PEBP4: variants seen among roughly 807,000 people sequenced by gnomAD.
PEBP4 encodes phosphatidylethanolamine-binding protein 4.
In PEBP4, 22 loss-of-function variants were observed where a neutral mutation model predicts 23.9. The ratio of observed to expected loss-of-function variants is 0.92; its 90% CI spans 0.66 to 1.31. The LOEUF (loss-of-function observed/expected upper bound fraction) is 1.31, where lower values mean the gene tolerates loss of function less well. PEBP4 is among the 40% of genes most tolerant of loss of function. PEBP4 has a pLI of 0.00. For missense variants in PEBP4, 324 were observed against 281.7 expected, an observed-to-expected ratio of 1.15 and a Z score of -1.07; for synonymous variants, 112 against 99.3, an observed-to-expected ratio of 1.13 and a Z score of -0.76.
intron 4 of PEBP4, among the ~76,000 whole-genome samples, chr8:22,789,537 C>T (rs2128756599): frequency 6.6e-6 from 1 of 152,234 alleles, no homozygotes; most frequent in East Asian, 1.9e-4. Context: ...GCTGTGGGCT[C>T]CTCCCTTCCT....
At chr8:22,827,423 G>C (rs1013594460) in intron 3 of PEBP4, among the ~76,000 whole-genome samples, 3 of 152,096 alleles carry the variant, frequency 2.0e-5, no homozygotes, top group African/African-American at 7.2e-5. Flanking sequence ...AAGCAACCAT[G>C]AATCTACTTT....
At chr8:22,862,902 G>T (rs530381460) in intron 3 of PEBP4, among the ~76,000 whole-genome samples, 1 of 150,466 alleles carries the variant, frequency 6.6e-6, no homozygotes, top group African/African-American at 2.4e-5. Context: ...CCAGGTTCAC[G>T]TCATTCTCCT....
At chr8:22,825,500 T>C (rs1806950391) in intron 3 of PEBP4, among the ~76,000 whole-genome samples, 1 of 152,252 alleles carries the variant, frequency 6.6e-6, no homozygotes, top group Non-Finnish European at 1.5e-5. Flanking sequence ...GGTATAGACC[T>C]AGTAAAATGC....
rs559933537 is a variant in PEBP4, at chr8:22,917,380, C to T, written c.258+2804G>A. Among the ~76,000 whole-genome samples the T allele has an allele frequency of 5.3e-5, 8 of 152,292 alleles. No homozygotes were observed. In the South Asian group the frequency reaches 1.4e-3, roughly 28 times the overall value. On this transcript the variant is annotated intron_variant, in intron 3 of 6. Transcript: ENST00000256404. The stretch of plus-strand genomic sequence containing the variant: ...GTCATGCCCTCTCCCTTAAGGGAAG[C>T]TCCAACTACCACCTTCCCTAGGAAG...
chr8:22,831,921 T>A (rs1807090046), intron 3 of PEBP4, among the ~76,000 whole-genome samples: 1 of 151,126 alleles, frequency 6.6e-6, no homozygotes, highest in South Asian at 2.1e-4. Context: ...TGAGGGCAGA[T>A]GAGCATGTGC....
At chr8:22,888,153 TTC>T (rs1808421339) in intron 3 of PEBP4, 1 of 126,628 alleles carries the variant, frequency 7.9e-6, no homozygotes, top group Non-Finnish European at 1.8e-5. Context: ...ACCCACCCAC[TTC>T]TTTTTTTTTT....
At chr8:22,922,201 G>A (rs746894653) in intron 2 of PEBP4, among the ~76,000 whole-genome samples, 16 of 152,078 alleles carry the variant, frequency 1.1e-4, no homozygotes, top group South Asian at 4.1e-4. Flanking sequence ...TGAACATAGC[G>A]TATTGCCCCA....
chr8:22,774,606 C>A (rs148245948), intron 4 of PEBP4, among the ~76,000 whole-genome samples: 1 of 152,122 alleles, frequency 6.6e-6, no homozygotes, highest in Non-Finnish European at 1.5e-5. Flanking sequence ...GGGTAGGGGC[C>A]GAGTCCCCTC....
intron 4 of PEBP4, among the ~76,000 whole-genome samples, chr8:22,787,828 T>C (rs1806056914): frequency 1.3e-5 from 2 of 152,160 alleles, no homozygotes; most frequent in Admixed American, 1.3e-4. Flanking sequence ...CCAAAGAAGC[T>C]GGGTCACAGG....
intron 3 of PEBP4, among the ~76,000 whole-genome samples, chr8:22,829,921 A>G (rs551032212): frequency 1.3e-5 from 2 of 152,270 alleles, no homozygotes; most frequent in African/African-American, 4.8e-5. Flanking sequence ...CCTTGCTAAG[A>G]TCACCACCTC....
chr8:22,881,192 G>T (rs975119186), intron 3 of PEBP4, among the ~76,000 whole-genome samples: 2 of 152,198 alleles, frequency 1.3e-5, no homozygotes, highest in African/African-American at 4.8e-5. Context: ...GTGTCCCCAG[G>T]GATGCCCCAG....
intron 4 of PEBP4, among the ~76,000 whole-genome samples, chr8:22,803,871 G>T (rs563424263): frequency 6.6e-6 from 1 of 152,062 alleles, no homozygotes; most frequent in East Asian, 1.9e-4. Context: ...TCATTGGCAC[G>T]TCCTGTTGGC....
intron 3 of PEBP4, among the ~76,000 whole-genome samples, chr8:22,825,638 G>C (rs896030343): frequency 1.3e-5 from 2 of 152,034 alleles, no homozygotes; most frequent in Admixed American, 6.5e-5. Context: ...CTTTCCCTCG[G>C]GTTCTAACAT....
intron 4 of PEBP4, among the ~76,000 whole-genome samples, chr8:22,764,980 C>T (rs1805577869): frequency 2.0e-5 from 3 of 152,076 alleles, no homozygotes; most frequent in Admixed American, 2.0e-4. Flanking sequence ...CAGGCAGGGC[C>T]CCACATTTCC....
At chr8:22,770,222 T>G (rs528913574) in intron 4 of PEBP4, among the ~76,000 whole-genome samples, 1 of 152,230 alleles carries the variant, frequency 6.6e-6, no homozygotes, top group Admixed American at 6.5e-5. Flanking sequence ...TGGGACTGGG[T>G]CAGTGGCTTG....
chr8:22,848,476 A>T (rs1807485323), intron 3 of PEBP4, among the ~76,000 whole-genome samples: 1 of 118,460 alleles, frequency 8.4e-6, no homozygotes, highest in Non-Finnish European at 1.7e-5. Flanking sequence ...AGAGAAGGGG[A>T]AGTTGTGTGT....
At chr8:22,932,541 AC>A (rs576162508), upstream of PEBP4, among the ~76,000 whole-genome samples, 20 of 151,812 alleles carry the variant, frequency 1.3e-4, 1 homozygote, top group South Asian at 4.2e-3. Context: ...ACACACACAC[AC>A]CCCCAGAGAG....
intron 3 of PEBP4, among the ~76,000 whole-genome samples, chr8:22,855,041 CACAT>C (rs1321632113): frequency 0.035 from 133 of 3,846 alleles, 4 homozygotes; most frequent in African/African-American, 0.048. Context: ...CACACACACA[CACAT>C]GCACCCCAGG....
chr8:22,751,618 G>C (rs907045285), intron 4 of PEBP4, among the ~76,000 whole-genome samples: 1 of 98,788 alleles, frequency 1.0e-5, no homozygotes, highest in African/African-American at 3.8e-5. Flanking sequence ...GTCTGTGTGT[G>C]TGTGTGTGTC....
Sources: gnomAD v4.1 joint callset for allele counts (sites outside exome capture counted in the v4.1 genomes callset) on GRCh38, gnomAD v4.1.1 for gene constraint, MANE v1.5 for transcripts, NCBI Gene and HGNC (gene_info 2026-07-23, HGNC 2026-07-21) for gene names.